The following RFTN2 variants were observed in gnomAD, a reference collection of about 807,000 sequenced individuals.
RFTN2 encodes the protein raftlin family member 2.
RFTN2 carries 34 observed loss-of-function variants against 52.7 expected under a neutral mutation model. The observed-to-expected ratio is 0.64, with a 90% CI of 0.49 to 0.86. The LOEUF is 0.86. RFTN2 is among the 40% of genes least tolerant of loss of function. The pLI is 0.00. For missense variants in RFTN2, 536 were observed against 600.1 expected (o/e 0.89, Z 1.12); for synonymous variants, 203 against 217.7 (o/e 0.93, Z 0.59).
chr2:197,674,921 C>T (rs546837293), intron 1 of RFTN2, among the ~76,000 whole-genome samples: 5 of 152,106 alleles, frequency 3.3e-5, no homozygotes, highest in East Asian at 1.9e-4. Context: ...CACTCTTCCA[C>T]GATATGATGC....
chr2:197,656,276 C>G (rs546513954), intron 1 of RFTN2, among the ~76,000 whole-genome samples: 1 of 152,204 alleles, frequency 6.6e-6, no homozygotes, highest in South Asian at 2.1e-4. Flanking sequence ...GCTCTACAAC[C>G]ATTGGTTGCT....
At chr2:197,588,143 C>A in intron 8 of RFTN2, 1 of 396,596 alleles carries the variant, frequency 2.5e-6, no homozygotes, top group Non-Finnish European at 5.0e-6. Context: ...AAGAAAAAAG[C>A]AAAACCCACC....
chr2:197,607,897 G>A (rs1372583473), intron 7 of RFTN2, among the ~76,000 whole-genome samples: 1 of 152,062 alleles, frequency 6.6e-6, no homozygotes, highest in Non-Finnish European at 1.5e-5. Flanking sequence ...AAAGAGCGAT[G>A]GTAACTGGAA....
In RFTN2 at chr2:197,572,256, C is replaced by T; in HGVS notation, c.1258G>A (p.Gly420Ser). ...CTAGTGGCTTTATTCTTGTCTTCAC[C>T]TTTTATGTGGCGGCTGGCTTTCTTC... ...PDKKASRHIK[G>S]EDKNKATSRS... Residue 420 changes from glycine to serine, a missense_variant, in exon 9 of 9, where the codon GGT (glycine) becomes AGT (serine). Coordinates refer to ENST00000295049, the MANE Select transcript of RFTN2 (RefSeq NM_144629.3). The T allele has an allele frequency of 1.2e-6, 2 of 1,614,014 alleles. No individual in the cohort carries two copies. The highest frequency in any genetic ancestry group is 1.7e-6 in the Non-Finnish European group (2 of 1,179,844).
At chr2:197,622,858 A>T (rs1330847885) in intron 5 of RFTN2, among the ~76,000 whole-genome samples, 1 of 152,222 alleles carries the variant, frequency 6.6e-6, no homozygotes, top group African/African-American at 2.4e-5. Context: ...TGGAAAACAA[A>T]GGCTGGATGA....
At chr2:197,591,692 A>C (rs1260126883) in intron 8 of RFTN2, among the ~76,000 whole-genome samples, 2 of 152,026 alleles carry the variant, frequency 1.3e-5, no homozygotes, top group African/African-American at 2.4e-5. Flanking sequence ...GCAGGTCCTG[A>C]GCCCTGCCCG....
Position 197,626,834 on chromosome 2 carries a change from G to A in RFTN2, c.928+4177C>T, listed in dbSNP as rs1574720160. On this transcript the variant is annotated intron_variant, in intron 5 of 8. Coordinates refer to ENST00000295049, the MANE Select transcript of RFTN2 (RefSeq NM_144629.3). ...GGGGTTTCACTACGTTGGCCAGGCT[G>A]GTCTCAAACTCCTGACCTCGTAATC... 2.6e-5 allele frequency among the ~76,000 whole-genome samples: 4 copies of A among 151,758 alleles called. No homozygotes were observed. In the South Asian group the frequency reaches 8.3e-4, roughly 32 times the overall value.
Position 197,571,908 on chromosome 2 carries a change from C to G in RFTN2, c.*100G>C, listed in dbSNP as rs944382693. ...AGGAAAGGCTGGGTCTGGAAAAATT[C>G]AAAAATATTACATAAATGCAGAGAA... On this transcript the variant is annotated 3_prime_UTR_variant, in exon 9 of 9. Transcript: ENST00000295049. 7.5e-7 allele frequency: 1 copy of G among 1,334,850 alleles called. No homozygotes were observed. The highest frequency in any genetic ancestry group is 2.2e-5 in the Admixed American group (1 of 46,110). The allele number at this position is 1,334,850 out of a possible 1,614,324, so 82.7% of individuals were successfully genotyped here.
intron 7 of RFTN2, among the ~76,000 whole-genome samples, chr2:197,602,881 T>C (rs903928652): frequency 4.6e-5 from 7 of 152,194 alleles, no homozygotes; most frequent in African/African-American, 1.7e-4. Flanking sequence ...TGCCATGGAA[T>C]ACTATGCAAC....
intron 8 of RFTN2, among the ~76,000 whole-genome samples, chr2:197,588,212 TTC>T (rs2087632552): frequency 6.6e-6 from 1 of 152,236 alleles, no homozygotes. Context: ...TCCTATTTTT[TTC>T]TCTCTCTACA....
chr2:197,601,599 A>C (rs2087882290), intron 7 of RFTN2, among the ~76,000 whole-genome samples: 1 of 151,956 alleles, frequency 6.6e-6, no homozygotes, highest in African/African-American at 2.4e-5. Flanking sequence ...TTGCTTGTAG[A>C]GCTCACTGAA....
intron 7 of RFTN2, among the ~76,000 whole-genome samples, chr2:197,607,224 G>C (rs1019933522): frequency 1.3e-5 from 2 of 152,006 alleles, no homozygotes; most frequent in Non-Finnish European, 2.9e-5. Context: ...GCAAACTATT[G>C]CAAGGACAAA....
intron 8 of RFTN2, among the ~76,000 whole-genome samples, chr2:197,589,064 T>C (rs2087646929): frequency 6.6e-6 from 1 of 151,282 alleles, no homozygotes; most frequent in African/African-American, 2.4e-5. Context: ...CTACTAAAAA[T>C]ACAAAAATTA....
intron 8 of RFTN2, among the ~76,000 whole-genome samples, chr2:197,579,477 T>C (rs2087470269): frequency 6.6e-6 from 1 of 152,222 alleles, no homozygotes; most frequent in South Asian, 2.1e-4. Flanking sequence ...TTGACTTCAA[T>C]GCAAACTCAA....
intron 4 of RFTN2, among the ~76,000 whole-genome samples, chr2:197,632,340 G>T (rs541929994): frequency 7.1e-4 from 108 of 152,280 alleles, no homozygotes; most frequent in Non-Finnish European, 1.4e-3. Context: ...CATGGGAGCG[G>T]TTTCCCCCAT....
intron 7 of RFTN2, among the ~76,000 whole-genome samples, chr2:197,599,337 C>T (rs972820923): frequency 6.6e-6 from 1 of 152,280 alleles, no homozygotes; most frequent in Admixed American, 6.5e-5. Flanking sequence ...ATATTTTTCA[C>T]CATCTTTAGT....
Position 197,570,810 on chromosome 2 carries a change from G to T in RFTN2, c.*1198C>A, listed in dbSNP as rs1002189738. The T allele has an allele frequency of 6.6e-6, 1 of 152,096 alleles. No homozygotes were observed. The highest frequency in any genetic ancestry group is 2.4e-5 in the African/African-American group (1 of 41,420). 9.4% of individuals were successfully genotyped at this position (152,096 alleles called of 1,614,324 possible). On this transcript the variant is annotated 3_prime_UTR_variant, in exon 9 of 9. Coordinates refer to ENST00000295049, the MANE Select transcript of RFTN2 (RefSeq NM_144629.3). ...AATAAAACAATAACACAATAAAAAT[G>T]ATGTTTTATTATTAAAATGATCTTA... is the stretch of plus-strand genomic sequence containing the variant.
At chr2:197,577,096 C>T (rs2087431459) in intron 8 of RFTN2, among the ~76,000 whole-genome samples, 1 of 152,138 alleles carries the variant, frequency 6.6e-6, no homozygotes, top group Admixed American at 6.6e-5. Context: ...GCTTTTAGTC[C>T]CATCTTTCTG....
At chr2:197,669,682 A>G (rs986501121) in intron 1 of RFTN2, among the ~76,000 whole-genome samples, 3 of 152,334 alleles carry the variant, frequency 2.0e-5, no homozygotes, top group Middle Eastern at 3.4e-3. Flanking sequence ...TGAGAATCCA[A>G]TGCCGTTGCT....
Sources: allele counts gnomAD v4.1 joint callset (sites outside exome capture counted in the v4.1 genomes callset), GRCh38; gene constraint gnomAD v4.1.1; transcripts MANE v1.5; gene names NCBI Gene and HGNC (gene_info 2026-07-23, HGNC 2026-07-21).